FRY: variants seen among roughly 807,000 people sequenced by gnomAD.
The protein encoded by FRY is protein furry homolog.
In FRY, 128 loss-of-function variants were observed where a neutral mutation model predicts 348.4. The ratio of observed to expected loss-of-function variants is 0.37; its 90% CI spans 0.32 to 0.43. The LOEUF is 0.43. Among genes scored for constraint, FRY ranks in the 20% least tolerant of loss-of-function variants. FRY has a pLI of 1.00. For missense variants in FRY, 2,736 were observed against 3,695.2 expected, an observed-to-expected ratio of 0.74 and a Z score of 6.73; for synonymous variants, 1,370 against 1,374.7, an observed-to-expected ratio of 1.00 and a Z score of 0.08.
At chr13:32,172,470 T>A (rs1289746374) in intron 18 of FRY, among the ~76,000 whole-genome samples, 2 of 152,188 alleles carry the variant, frequency 1.3e-5, no homozygotes, top group Non-Finnish European at 2.9e-5. Flanking sequence ...GACAGTGCAG[T>A]CTTGTGGTTT....
At chr13:32,224,189 C>T in intron 36 of FRY, 46 bp from the exon 37 acceptor site, 1 of 1,499,472 alleles carries the variant, frequency 6.7e-7, no homozygotes, top group East Asian at 2.3e-5. Flanking sequence ...GAAAACAAGT[C>T]TCCTCTCCCT....
intron 28 of FRY, among the ~76,000 whole-genome samples, chr13:32,189,427 C>A (rs1449044656): frequency 6.6e-6 from 1 of 151,884 alleles, no homozygotes; most frequent in Non-Finnish European, 1.5e-5. Context: ...GGTGGATAAT[C>A]AATGACCTAA....
chr13:32,159,064 G>A (rs1881293214), intron 16 of FRY, among the ~76,000 whole-genome samples: 1 of 150,362 alleles, frequency 6.7e-6, no homozygotes, highest in African/African-American at 2.4e-5. Context: ...TCATAAAAAG[G>A]TACATGTTTA....
rs983011127 is a variant in FRY at position 32,105,639 on chromosome 13, C to T, written c.324+3623C>T. ...TGGGAAAAGAATATGCTGGAGATGCCACCTTGAGTGGTTCAGACTCCATTG... is the reference window on the plus strand; with the variant it reads ...TGGGAAAAGAATATGCTGGAGATGCTACCTTGAGTGGTTCAGACTCCATTG... On this transcript the variant is annotated intron_variant, in intron 3 of 60. Transcript: ENST00000542859. Among the ~76,000 whole-genome samples the T allele has an allele frequency of 3.3e-5, 5 of 152,164 alleles. No homozygotes were observed. In the East Asian group the frequency reaches 5.8e-4, roughly 18 times the overall value.
chr13:32,046,572 A>G (rs1296162380), intron 1 of FRY, among the ~76,000 whole-genome samples: 1 of 152,192 alleles, frequency 6.6e-6, no homozygotes, highest in Non-Finnish European at 1.5e-5. Context: ...ACAGAAGTGA[A>G]TTACACTCTT....
At position 32,154,900 on chromosome 13, in the gene FRY, G is replaced by C. The variant is rs528974037; in HGVS notation, c.1480-591G>C. ...TTGTGCCATACCTGAGCCTAAGGAA[G>C]ATCAATCTGGCCCACAATCACATTT... On this transcript the variant is annotated intron_variant, in intron 14 of 60. Coordinates refer to ENST00000542859, the MANE Select transcript of FRY (RefSeq NM_023037.3). 1.4e-4 allele frequency among the ~76,000 whole-genome samples: 21 copies of C among 152,332 alleles called. No homozygotes were observed. The South Asian group carries it at 3.9e-3, about 29-fold the overall frequency.
chr13:32,104,819 G>T (rs568095568), intron 3 of FRY, among the ~76,000 whole-genome samples: 68 of 152,290 alleles, frequency 4.5e-4, no homozygotes, highest in African/African-American at 1.5e-3. Context: ...AGATTTGATG[G>T]TTTTATAAAG....
intron 23 of FRY, among the ~76,000 whole-genome samples, chr13:32,180,299 A>G (rs766376932): frequency 5.3e-5 from 8 of 151,882 alleles, no homozygotes; most frequent in Non-Finnish European, 7.4e-5. Context: ...CAGTGGCGCA[A>G]TCTCAGCTCA....
At position 32,202,060 on chromosome 13, in the gene FRY, A is replaced by G; in HGVS notation, c.3846+20A>G. ...ATGCAGGCACGTATCATTTACTGGC[A>G]TAGAAAATATCCATCCTTGAGTACA... On this transcript the variant is annotated intron_variant, in intron 30 of 60. Coordinates refer to ENST00000542859, the MANE Select transcript of FRY (RefSeq NM_023037.3). 1 of 1,322,692 alleles carries G rather than the reference A, an allele frequency of 7.6e-7. No individual in the cohort carries two copies. Among genetic ancestry groups the G allele is most frequent in the Non-Finnish European group, 1.1e-6 (1 of 914,590 alleles). The allele number at this position is 1,322,692 out of a possible 1,614,324, so 81.9% of individuals were successfully genotyped here. A position where few individuals can be genotyped will look rare whatever the true frequency, so the allele number is the denominator to read the frequency against.
intron 28 of FRY, among the ~76,000 whole-genome samples, chr13:32,189,948 ATTT>A (rs1172701002): frequency 6.6e-6 from 1 of 152,000 alleles, no homozygotes; most frequent in Non-Finnish European, 1.5e-5. Flanking sequence ...AAAAAAGATG[ATTT>A]ACCATGGTCA....
At position 32,255,998 on chromosome 13, in the gene FRY, G is replaced by C. The variant is rs1041345687; in HGVS notation, c.7416+1604G>C. On this transcript the variant is annotated intron_variant, in intron 51 of 60. Coordinates refer to ENST00000542859, the MANE Select transcript of FRY (RefSeq NM_023037.3). The stretch of plus-strand genomic sequence containing the variant: ...AAATGTTATGTGAAACGACCTAGCA[G>C]GAATGATGTAAAGCGAAGTAATCCG... Among the ~76,000 whole-genome samples the C allele has an allele frequency of 5.3e-5, 8 of 152,246 alleles. No homozygotes were observed. In the East Asian group the frequency reaches 1.4e-3, roughly 26 times the overall value.
chr13:32,217,283 C>T (rs1264416891), intron 35 of FRY, among the ~76,000 whole-genome samples: 4 of 152,116 alleles, frequency 2.6e-5, no homozygotes, highest in Non-Finnish European at 1.5e-5. Context: ...ATAAAACCTG[C>T]TGTGTATCAT....
chr13:32,236,754 C>T (rs949259685), intron 43 of FRY, among the ~76,000 whole-genome samples: 2 of 151,728 alleles, frequency 1.3e-5, no homozygotes, highest in Non-Finnish European at 1.5e-5. Context: ...ATCTTGTATC[C>T]GATTGGGCCT....
rs1566162944 is a variant in FRY, at chr13:32,244,032, G to A, written c.6688-10G>A. On this transcript the variant is annotated splice_polypyrimidine_tract_variant and intron_variant, in intron 46 of 60. Transcript: ENST00000542859. ...GTGTGACTGACTCCAGCCGCACTTT[G>A]CCCCCACAGCTGCTGGAGAAGGGCC... The A allele has an allele frequency of 6.2e-7, 1 of 1,613,566 alleles. No individual in the cohort carries two copies. The highest frequency in any genetic ancestry group is 8.5e-7 in the Non-Finnish European group (1 of 1,179,894).
In FRY at chr13:32,294,552, G is replaced by A. The variant is rs147607259; in HGVS notation, c.8765G>A (p.Arg2922Gln). 3.7e-4 allele frequency: 592 copies of A among 1,613,836 alleles called. 1 individual carries two copies. In the African/African-American group the frequency reaches 5.9e-3, roughly 16 times the overall value. ...LKNNELGKAL[R>Q]QIRECRSLWP... ...AACAACGAACTCGGCAAAGCTTTGC[G>A]GCAGATCAGGGAGTGCAGGTGACTC... Residue 2922 changes from arginine to glutamine, a missense_variant, in exon 60 of 61, where the codon CGG becomes CAG. Arg to Gln is a conservative substitution (Grantham distance 43). Transcript: ENST00000542859.
chr13:32,061,063 A>G (rs754220095), intron 1 of FRY: 4 of 530,088 alleles, frequency 7.5e-6, no homozygotes, highest in Non-Finnish European at 1.5e-5. Context: ...TGGTCTGTGT[A>G]GCTGTTCCAG....
rs536354677 is a variant in FRY at position 32,245,400 on chromosome 13, T to C, written c.6828+1218T>C. Among the ~76,000 whole-genome samples the C allele has an allele frequency of 2.7e-5, 4 of 150,360 alleles. No homozygotes were observed. In the South Asian group the frequency reaches 8.4e-4, roughly 32 times the overall value. ...CAAGAGGATCGCTTGAGGCCAGGAG[T>C]TCAAGACCAGCCTGGGCAACAAAGT... On this transcript the variant is annotated intron_variant, in intron 47 of 60. Transcript: ENST00000542859.
chr13:32,178,478 A>C, intron 21 of FRY, 42 bp downstream of exon 21: 11 of 1,605,938 alleles, frequency 6.8e-6, no homozygotes, highest in Non-Finnish European at 9.4e-6. Context: ...TTGTTTTTCC[A>C]TTTGCCCTCT....
rs117339238 is a variant in FRY at position 32,277,566 on chromosome 13, C to T, written c.8386-899C>T. Among the ~76,000 whole-genome samples, 294 of 152,362 alleles carry T rather than the reference C, an allele frequency of 1.9e-3. 1 individual carries two copies. Among genetic ancestry groups the T allele is most frequent in the Middle Eastern group, 0.014 (4 of 294 alleles). Reference sequence around the variant, plus strand: ...GCTGTGGGATTCAAAGGCCCACGCTCTTAACCACATCATGATATTGCCTTG... The same window carrying T: ...GCTGTGGGATTCAAAGGCCCACGCTTTTAACCACATCATGATATTGCCTTG... On this transcript the variant is annotated intron_variant, in intron 57 of 60. Transcript: ENST00000542859.
Sources: gnomAD v4.1 joint callset for allele counts (sites outside exome capture counted in the v4.1 genomes callset) on GRCh38, gnomAD v4.1.1 for gene constraint, MANE v1.5 for transcripts, NCBI Gene and HGNC (gene_info 2026-07-23, HGNC 2026-07-21) for gene names.